The following MARCHF1 variants were observed in gnomAD, a reference collection of about 807,000 sequenced individuals.
The protein encoded by MARCHF1 is membrane associated ring-CH-type finger 1.
MARCHF1 carries 40 observed loss-of-function variants against 54.2 expected under a neutral mutation model. The observed-to-expected ratio is 0.74, with a 90% CI of 0.57 to 0.96. The LOEUF (loss-of-function observed/expected upper bound fraction) is 0.96. Ranked by LOEUF, MARCHF1 falls within the 40% of genes least tolerant of loss-of-function variation. The pLI, the probability that MARCHF1 is intolerant of heterozygous loss-of-function variation, is 0.00. For missense variants in MARCHF1, 586 were observed against 656.5 expected, an observed-to-expected ratio of 0.89 and a Z score of 1.17; for synonymous variants, 236 against 236.3, an observed-to-expected ratio of 1.00 and a Z score of 0.01.
At chr4:163,967,651 A>T (rs1752469247) in intron 3 of MARCHF1, among the ~76,000 whole-genome samples, 1 of 152,174 alleles carries the variant, frequency 6.6e-6, no homozygotes, top group Non-Finnish European at 1.5e-5. Context: ...AACAGAAATA[A>T]GAGGAGCTCT....
chr4:163,858,106 G>C (rs970779891), intron 3 of MARCHF1, among the ~76,000 whole-genome samples: 2 of 98,044 alleles, frequency 2.0e-5, no homozygotes, highest in African/African-American at 4.0e-5. Context: ...GGGGGTGGGG[G>C]GGGGGGGGCA....
intron 2 of MARCHF1, among the ~76,000 whole-genome samples, chr4:164,046,351 T>C (rs1307882721): frequency 1.3e-5 from 2 of 152,226 alleles, no homozygotes; most frequent in Non-Finnish European, 2.9e-5. Context: ...CTTCTCACAA[T>C]ATGAGCAGAA....
intron 1 of MARCHF1, among the ~76,000 whole-genome samples, chr4:164,309,151 C>T (rs1034441644): frequency 2.6e-5 from 4 of 151,318 alleles, no homozygotes; most frequent in Admixed American, 1.3e-4. Context: ...TTGCTCTGGA[C>T]ATTTAAAAAT....
At chr4:164,110,123 T>C (rs1405813900) in intron 2 of MARCHF1, among the ~76,000 whole-genome samples, 2 of 145,932 alleles carry the variant, frequency 1.4e-5, no homozygotes, top group East Asian at 2.0e-4. Flanking sequence ...GAATTGGAGA[T>C]ACACACACAC....
chr4:163,917,020 A>G (rs1439118560), intron 3 of MARCHF1, among the ~76,000 whole-genome samples: 1 of 151,584 alleles, frequency 6.6e-6, no homozygotes, highest in Non-Finnish European at 1.5e-5. Flanking sequence ...CCTCCCCACA[A>G]CTCCTGACAA....
chr4:164,220,933 C>T (rs941142948), intron 1 of MARCHF1, among the ~76,000 whole-genome samples: 2 of 151,616 alleles, frequency 1.3e-5, no homozygotes, highest in African/African-American at 4.8e-5. Context: ...TTTACAGGCA[C>T]TTTAAGCAAA....
At chr4:164,314,374 GCT>G (rs1464663230) in intron 1 of MARCHF1, among the ~76,000 whole-genome samples, 7 of 152,100 alleles carry the variant, frequency 4.6e-5, no homozygotes, top group African/African-American at 1.4e-4. Context: ...GGGAATAGCT[GCT>G]CTCTCTTACC....
chr4:164,057,679 TAA>T (rs769670275), intron 2 of MARCHF1, among the ~76,000 whole-genome samples: 7 of 152,130 alleles, frequency 4.6e-5, no homozygotes, highest in Non-Finnish European at 8.8e-5. Context: ...GCTAAGGCAG[TAA>T]AATAGAAAGA....
chr4:163,871,987 G>A (rs1750178945), intron 3 of MARCHF1, among the ~76,000 whole-genome samples: 1 of 152,114 alleles, frequency 6.6e-6, no homozygotes, highest in Admixed American at 6.5e-5. Flanking sequence ...AGTTAGTCAA[G>A]ATGTAGCTTC....
intron 4 of MARCHF1, among the ~76,000 whole-genome samples, chr4:163,821,889 A>G (rs890433203): frequency 2.0e-5 from 3 of 151,904 alleles, no homozygotes; most frequent in Non-Finnish European, 4.4e-5. Flanking sequence ...TTGGTGTCAC[A>G]AAACACAAAC....
intron 4 of MARCHF1, among the ~76,000 whole-genome samples, chr4:163,779,234 A>C (rs1430987324): frequency 6.6e-6 from 1 of 152,168 alleles, no homozygotes; most frequent in Non-Finnish European, 1.5e-5. Flanking sequence ...GTCTTAGCTA[A>C]TTTGAATGAT....
chr4:163,986,745 AGAAT>A (rs1257276410), intron 3 of MARCHF1, among the ~76,000 whole-genome samples: 3 of 152,232 alleles, frequency 2.0e-5, no homozygotes, highest in Non-Finnish European at 4.4e-5. Flanking sequence ...TACTTAACAA[AGAAT>A]AATTTCATTA....
At chr4:164,087,207 CAAT>C (rs1441818417) in intron 2 of MARCHF1, among the ~76,000 whole-genome samples, 2 of 151,874 alleles carry the variant, frequency 1.3e-5, no homozygotes. Flanking sequence ...GAAAAGGAGA[CAAT>C]AACTATTCAA....
chr4:164,031,682 A>T (rs1456298446), intron 2 of MARCHF1, among the ~76,000 whole-genome samples: 1 of 152,104 alleles, frequency 6.6e-6, no homozygotes, highest in Non-Finnish European at 1.5e-5. Flanking sequence ...AGATGAAGCC[A>T]ACTTGATTGT....
intron 2 of MARCHF1, among the ~76,000 whole-genome samples, chr4:164,062,613 C>G (rs1754643151): frequency 6.6e-6 from 1 of 152,172 alleles, no homozygotes; most frequent in East Asian, 1.9e-4. Flanking sequence ...CAACCTCCAC[C>G]TCCTGGGTTC....
At chr4:164,109,911 G>GAAAAAAAA (rs1755795301) in intron 2 of MARCHF1, among the ~76,000 whole-genome samples, 2 of 16,012 alleles carry the variant, frequency 1.2e-4, no homozygotes, top group African/African-American at 2.2e-4. Context: ...TAAAATAAAA[G>GAAAAAAAA]TAAAAAAAAA....
chr4:163,934,788 T>C (rs1751759076), intron 3 of MARCHF1, among the ~76,000 whole-genome samples: 1 of 151,576 alleles, frequency 6.6e-6, no homozygotes, highest in Non-Finnish European at 1.5e-5. Flanking sequence ...TCAGTCAAGT[T>C]AGTCAACTGA....
intron 1 of MARCHF1, among the ~76,000 whole-genome samples, chr4:164,198,649 G>A (rs1731351089): frequency 6.6e-6 from 1 of 152,210 alleles, no homozygotes. Context: ...CTATTGAGAA[G>A]TTAGCAGCAC....
At chr4:164,278,017 T>TA (rs953503934) in intron 1 of MARCHF1, among the ~76,000 whole-genome samples, 21 of 152,218 alleles carry the variant, frequency 1.4e-4, no homozygotes, top group Non-Finnish European at 2.9e-5. Context: ...ATAGATTTTT[T>TA]AAAAAAAGAA....
Sources: allele counts gnomAD v4.1 joint callset (sites outside exome capture counted in the v4.1 genomes callset), GRCh38; gene constraint gnomAD v4.1.1; transcripts MANE v1.5; gene names NCBI Gene and HGNC (gene_info 2026-07-23, HGNC 2026-07-21).